The following GRIP1 variants were observed in gnomAD, a reference collection of about 807,000 sequenced individuals.
The protein encoded by GRIP1 is glutamate receptor-interacting protein 1.
GRIP1 carries 45 observed loss-of-function variants against 129.9 expected under a neutral mutation model. That is an observed-to-expected ratio of 0.35 (90% CI 0.27 to 0.44). GRIP1 has a LOEUF of 0.44. GRIP1 is among the 20% of genes least tolerant of loss of function. GRIP1 has a pLI of 1.00. For synonymous variants in GRIP1, 530 were observed against 520.8 expected (o/e 1.02, Z -0.24); for missense variants, 1,196 against 1,396.8 (o/e 0.86, Z 2.29).
At chr12:66,914,283 T>G (rs2041082384) in intron 1 of GRIP1, among the ~76,000 whole-genome samples, 1 of 152,246 alleles carries the variant, frequency 6.6e-6, no homozygotes, top group Non-Finnish European at 1.5e-5. Context: ...GTTTGCTACC[T>G]ATTTTGCTGT....
At chr12:66,646,855 G>A (rs776985712) in intron 1 of GRIP1, among the ~76,000 whole-genome samples, 4 of 152,168 alleles carry the variant, frequency 2.6e-5, no homozygotes, top group East Asian at 1.9e-4. Flanking sequence ...GAATTCAGGC[G>A]AGAGGGTGTC....
chr12:66,601,995 T>A (rs574856029), intron 1 of GRIP1, among the ~76,000 whole-genome samples: 1 of 152,202 alleles, frequency 6.6e-6, no homozygotes, highest in South Asian at 2.1e-4. Flanking sequence ...ACGGGGTGAG[T>A]GAGCATGGGC....
chr12:66,469,640 GA>G (rs201381351), intron 7 of GRIP1, among the ~76,000 whole-genome samples: 1 of 151,646 alleles, frequency 6.6e-6, no homozygotes, highest in South Asian at 2.1e-4. Flanking sequence ...TAACTAACCA[GA>G]AAAAAAATGA....
intron 13 of GRIP1, among the ~76,000 whole-genome samples, chr12:66,441,069 C>T (rs534023398): frequency 2.6e-5 from 4 of 152,304 alleles, no homozygotes; most frequent in Admixed American, 6.5e-5. Context: ...TGTCACTCTC[C>T]ACTCATTCCT....
intron 1 of GRIP1, among the ~76,000 whole-genome samples, chr12:66,935,681 G>C (rs750192309): frequency 6.6e-5 from 10 of 152,184 alleles, no homozygotes; most frequent in Non-Finnish European, 1.2e-4. Context: ...AGAGACTCCA[G>C]GGGTGCCTTA....
chr12:66,503,984 T>C (rs985512893), intron 7 of GRIP1, among the ~76,000 whole-genome samples: 2 of 152,110 alleles, frequency 1.3e-5, no homozygotes, highest in Non-Finnish European at 2.9e-5. Flanking sequence ...AAAAAGGTCA[T>C]TGTGTAGAGC....
intron 1 of GRIP1, among the ~76,000 whole-genome samples, chr12:67,003,427 C>T (rs1039089383): frequency 6.6e-6 from 1 of 152,136 alleles, no homozygotes; most frequent in African/African-American, 2.4e-5. Context: ...TGTGGTGGCT[C>T]ATGCCTGTAA....
At chr12:66,474,941 T>A (rs1278233768) in intron 7 of GRIP1, among the ~76,000 whole-genome samples, 1 of 152,134 alleles carries the variant, frequency 6.6e-6, no homozygotes, top group Admixed American at 6.5e-5. Context: ...AATGACCAGC[T>A]AACATCATAA....
At chr12:66,617,085 T>TGTGTGTGTGTG (rs370300223) in intron 1 of GRIP1, among the ~76,000 whole-genome samples, 1,714 of 135,506 alleles carry the variant, frequency 0.013, 35 homozygotes, top group Middle Eastern at 0.019. Context: ...AACAGACGTT[T>TGTGTGTGTGTG]TGTGTGTGTG....
intron 19 of GRIP1, among the ~76,000 whole-genome samples, chr12:66,386,450 C>T (rs1363181374): frequency 6.6e-6 from 1 of 151,980 alleles, no homozygotes; most frequent in Non-Finnish European, 1.5e-5. Context: ...CTGGCTAACA[C>T]AGTGAAACCC....
chr12:66,861,804 A>G (rs2137119043), intron 1 of GRIP1, among the ~76,000 whole-genome samples: 1 of 152,284 alleles, frequency 6.6e-6, no homozygotes, highest in Non-Finnish European at 1.5e-5. Context: ...GAATCCTAAA[A>G]TTGGTCAAAA....
At chr12:66,672,678 G>A (rs1036305134) in intron 1 of GRIP1, among the ~76,000 whole-genome samples, 3 of 151,994 alleles carry the variant, frequency 2.0e-5, no homozygotes, top group Admixed American at 2.0e-4. Context: ...AACACTGACG[G>A]CTTGCCTATC....
At chr12:67,062,185 G>A (rs569334676) in intron 1 of GRIP1, among the ~76,000 whole-genome samples, 185 of 152,174 alleles carry the variant, frequency 1.2e-3, no homozygotes, top group Non-Finnish European at 2.3e-3. Context: ...ATTCTTTATC[G>A]CCTGCCAGAT....
intron 1 of GRIP1, among the ~76,000 whole-genome samples, chr12:66,906,586 C>T (rs1201830180): frequency 1.3e-5 from 2 of 152,122 alleles, no homozygotes; most frequent in East Asian, 1.9e-4. Context: ...AGGCAGGATA[C>T]TGGCCTCTCA....
chr12:66,676,861 G>A (rs2034359198), intron 1 of GRIP1, among the ~76,000 whole-genome samples: 1 of 152,146 alleles, frequency 6.6e-6, no homozygotes, highest in South Asian at 2.1e-4. Context: ...ACAAGTATGG[G>A]TGGGGTGCTA....
chr12:66,429,640 G>A (rs1397742547), intron 14 of GRIP1, among the ~76,000 whole-genome samples: 1 of 152,096 alleles, frequency 6.6e-6, no homozygotes, highest in East Asian at 1.9e-4. Flanking sequence ...AGGCCGCAGT[G>A]AGCCCTAATA....
At chr12:66,383,406 C>T (rs988638337) in intron 19 of GRIP1, among the ~76,000 whole-genome samples, 15 of 152,064 alleles carry the variant, frequency 9.9e-5, no homozygotes, top group African/African-American at 3.4e-4. Flanking sequence ...AACAGGTCCT[C>T]GATTCTATCA....
intron 2 of GRIP1, among the ~76,000 whole-genome samples, chr12:66,584,086 G>C (rs1320025884): frequency 6.7e-6 from 1 of 149,590 alleles, no homozygotes; most frequent in Non-Finnish European, 1.5e-5. Context: ...CCATAAAAAA[G>C]GATGAGTTCA....
chr12:66,839,287 T>C (rs1235960291), intron 1 of GRIP1, among the ~76,000 whole-genome samples: 1 of 152,130 alleles, frequency 6.6e-6, no homozygotes, highest in Non-Finnish European at 1.5e-5. Context: ...CTGGAGTCCC[T>C]AATGAACCTA....
Sources: gnomAD v4.1 joint callset for allele counts (sites outside exome capture counted in the v4.1 genomes callset) on GRCh38, gnomAD v4.1.1 for gene constraint, MANE v1.5 for transcripts, NCBI Gene and HGNC (gene_info 2026-07-23, HGNC 2026-07-21) for gene names.